Variants in FAM78B observed in about 807,000 individuals in gnomAD.
FAM78B encodes family with sequence similarity 78 member B, also known as protein FAM78B.
A neutral mutation model predicts 20.0 loss-of-function variants in FAM78B; 10 were observed. The observed-to-expected ratio is 0.50, with a 90% CI of 0.31 to 0.85. The LOEUF is 0.85. FAM78B is among the 40% of genes least tolerant of loss of function. The pLI is 0.05. For synonymous variants in FAM78B, 135 were observed against 132.8 expected (o/e 1.02, Z -0.12); for missense variants, 283 against 345.0 (o/e 0.82, Z 1.42).
intron 1 of FAM78B, among the ~76,000 whole-genome samples, chr1:166,112,326 C>A (rs1557904407): frequency 6.6e-6 from 1 of 152,142 alleles, no homozygotes; most frequent in Non-Finnish European, 1.5e-5. Flanking sequence ...CTATGAAGCC[C>A]AGCCGTTTTC....
At chr1:166,136,745 G>A (rs989851734) in intron 1 of FAM78B, among the ~76,000 whole-genome samples, 2 of 152,180 alleles carry the variant, frequency 1.3e-5, no homozygotes, top group African/African-American at 4.8e-5. Flanking sequence ...TAACTGGGCC[G>A]GTGACTCTGA....
chr1:166,110,936 A>G (rs1571172387), intron 1 of FAM78B, among the ~76,000 whole-genome samples: 2 of 152,348 alleles, frequency 1.3e-5, no homozygotes, highest in East Asian at 3.9e-4. Context: ...ATAAATGTAT[A>G]TAGAAATGAC....
chr1:166,106,404 A>G lies in FAM78B; in HGVS notation c.264-35641T>C, dbSNP rs1447363992. On this transcript the variant is annotated intron_variant, in intron 1 of 1. Transcript: ENST00000354422. ...ACCATGGAATACTATACAGTATAAA[A>G]AAGAATGAAATCATGTGCACATGTA... 2.6e-5 allele frequency among the ~76,000 whole-genome samples: 4 copies of G among 152,116 alleles called. No homozygotes were observed. In the East Asian group the frequency reaches 5.8e-4, roughly 22 times the overall value.
intron 1 of FAM78B, among the ~76,000 whole-genome samples, chr1:166,100,883 C>G (rs1375272395): frequency 1.3e-5 from 2 of 152,252 alleles, no homozygotes; most frequent in South Asian, 2.1e-4. Context: ...TGAGAATGGA[C>G]AGACTGCCTC....
chr1:166,071,080 G>C (rs1571131104), intron 1 of FAM78B, among the ~76,000 whole-genome samples: 1 of 152,300 alleles, frequency 6.6e-6, no homozygotes, highest in South Asian at 2.1e-4. Flanking sequence ...CAGCAGTTTA[G>C]AGGAATTCCA....
In FAM78B at chr1:166,105,954, G is replaced by C. The variant is rs374139706; in HGVS notation, c.264-35191C>G. 1.1e-3 allele frequency among the ~76,000 whole-genome samples: 172 copies of C among 151,808 alleles called. 1 individual carries two copies. Among genetic ancestry groups the C allele is most frequent in the African/African-American group, 3.8e-3 (159 of 41,362 alleles). On this transcript the variant is annotated intron_variant, in intron 1 of 1. Coordinates refer to ENST00000354422, the MANE Select transcript of FAM78B (RefSeq NM_001017961.5). ...CACAATAGCAAAGACTTGGAACCAA[G>C]CCAAATGTCCAACAATGATAGACTG... is the stretch of plus-strand genomic sequence containing the variant.
chr1:166,070,870 GA>G, intron 1 of FAM78B, 107 bp from the exon 2 acceptor site: 1 of 1,250,194 alleles, frequency 8.0e-7, no homozygotes, highest in Non-Finnish European at 1.1e-6. Flanking sequence ...GGCAAAATGG[GA>G]AGTTCACAGG....
intron 1 of FAM78B, among the ~76,000 whole-genome samples, chr1:166,108,545 T>C (rs1340611720): frequency 6.6e-6 from 1 of 152,204 alleles, no homozygotes; most frequent in African/African-American, 2.4e-5. Context: ...CCCACGCTTA[T>C]GGATGGGTCG....
intron 1 of FAM78B, among the ~76,000 whole-genome samples, chr1:166,094,003 CTGTGTGTGTGTGTGTG>C (rs58213930): frequency 0.018 from 2,303 of 125,580 alleles, 83 homozygotes; most frequent in African/African-American, 0.067. Context: ...TTGCGAATGA[CTGTGTGTGTGTGTGTG>C]TGTGTGTGTG....
chr1:166,139,061 T>C (rs938116989), intron 1 of FAM78B, among the ~76,000 whole-genome samples: 5 of 152,226 alleles, frequency 3.3e-5, no homozygotes, highest in Non-Finnish European at 7.3e-5. Context: ...TCTCCGAACG[T>C]ACTCCAGAAT....
chr1:166,119,135 C>G (rs2101766535), intron 1 of FAM78B, among the ~76,000 whole-genome samples: 1 of 152,302 alleles, frequency 6.6e-6, no homozygotes, highest in African/African-American at 2.4e-5. Context: ...GACAAGAACT[C>G]ATTTGGCTCC....
chr1:166,095,623 C>T (rs922143429), intron 1 of FAM78B, among the ~76,000 whole-genome samples: 3 of 152,262 alleles, frequency 2.0e-5, no homozygotes, highest in East Asian at 1.9e-4. Context: ...ATTGTGAGCC[C>T]GCAGGAACCC....
rs933009763 is a variant in FAM78B at position 166,154,869 on chromosome 1, C to T, written c.263+11117G>A. The T allele has an allele frequency of 1.9e-5, 9 of 471,770 alleles. No individual in the cohort carries two copies. In the East Asian group the frequency reaches 2.8e-4, roughly 15 times the overall value. 29.2% of individuals were successfully genotyped at this position (471,770 alleles called of 1,614,324 possible). On this transcript the variant is annotated intron_variant, in intron 1 of 1. Transcript: ENST00000354422. ...GAAGCAAATGAGCTAGATGATTTCC[C>T]GCACCATCCTAACACCCTGTAAGTT...
chr1:166,088,676 T>G (rs1237088902), intron 1 of FAM78B, among the ~76,000 whole-genome samples: 2 of 152,084 alleles, frequency 1.3e-5, no homozygotes, highest in Non-Finnish European at 2.9e-5. Flanking sequence ...CACCCTTCAA[T>G]CCTCTGTGAA....
At chr1:166,111,830 T>C (rs1654068609) in intron 1 of FAM78B, among the ~76,000 whole-genome samples, 3 of 152,226 alleles carry the variant, frequency 2.0e-5, no homozygotes, top group Non-Finnish European at 4.4e-5. Context: ...CAACTAGCCA[T>C]AGAGCAGCGT....
At chr1:166,136,912 C>T (rs1440073041) in intron 1 of FAM78B, among the ~76,000 whole-genome samples, 5 of 152,154 alleles carry the variant, frequency 3.3e-5, no homozygotes, top group African/African-American at 4.8e-5. Context: ...CAAGCACTGA[C>T]GTCTGCTAAC....
At chr1:166,156,186 T>C (rs10800198) in intron 1 of FAM78B, among the ~76,000 whole-genome samples, 36,990 of 152,256 alleles carry the variant, frequency 0.24, 4,653 homozygotes, top group South Asian at 0.43. Context: ...ACCCTGTTGA[T>C]GTGCCATCCT....
In FAM78B at chr1:166,070,336, G is replaced by C. The variant is rs144142558; in HGVS notation, c.691C>G (p.Pro231Ala). The change falls in exon 2 of 2, where the codon CCT becomes GCT. Residue 231 changes from proline (P) to alanine (A), a missense_variant. By Grantham distance (27) the Pro-to-Ala change is conservative. Coordinates refer to ENST00000354422, the MANE Select transcript of FAM78B (RefSeq NM_001017961.5). ...RILSRMEPIPPNALVKPNAND... is the reference protein window; with the variant it reads ...RILSRMEPIPANALVKPNAND... ...GCATTGGGTTTCACTAGTGCATTAG[G>C]GGGGATGGGTTCCATCCGGCTCAGG... The C allele has an allele frequency of 7.5e-6, 12 of 1,610,494 alleles. No individual in the cohort carries two copies. The highest frequency in any genetic ancestry group is 2.7e-5 in the African/African-American group (2 of 74,902).
intron 1 of FAM78B, among the ~76,000 whole-genome samples, chr1:166,140,215 CTT>C (rs1655227663): frequency 6.6e-6 from 1 of 152,242 alleles, no homozygotes; most frequent in South Asian, 2.1e-4. Context: ...CACATTCACT[CTT>C]TCCCGTAGCA....
Sources: gnomAD v4.1 joint callset for allele counts (sites outside exome capture counted in the v4.1 genomes callset) on GRCh38, gnomAD v4.1.1 for gene constraint, MANE v1.5 for transcripts, NCBI Gene and HGNC (gene_info 2026-07-23, HGNC 2026-07-21) for gene names.